Variants in MSRB3 observed in about 807,000 individuals in gnomAD.
MSRB3 encodes methionine sulfoxide reductase B3.
MSRB3 carries 13 observed loss-of-function variants against 21.0 expected under a neutral mutation model. The observed-to-expected ratio is 0.62, with a 90% CI of 0.40 to 0.98. The LOEUF (loss-of-function observed/expected upper bound fraction) is 0.98, where lower values mean the gene tolerates loss of function less well. Ranked by LOEUF, MSRB3 falls within the 50% of genes least tolerant of loss-of-function variation. The pLI is 0.00. For missense variants in MSRB3, 199 were observed against 230.3 expected (o/e 0.86, Z 0.88); for synonymous variants, 87 against 88.6 (o/e 0.98, Z 0.10).
rs189661929 is a variant in MSRB3 at position 65,292,477 on chromosome 12, C to G, written c.-52+13612C>G. Among the ~76,000 whole-genome samples the G allele has an allele frequency of 3.5e-3, 532 of 152,172 alleles. 1 individual carries two copies. Among genetic ancestry groups the G allele is most frequent in the Admixed American group, 8.1e-3 (124 of 15,300 alleles). On this transcript the variant is annotated intron_variant, in intron 1 of 6. Coordinates refer to ENST00000308259, the MANE Select transcript of MSRB3 (RefSeq NM_001031679.3). ...TCATCATCATCATTCTGGGACAACA[C>G]TTTCCTTGACCTCTCCTTTTTTTGG...
rs779389792 is a variant in MSRB3, at chr12:65,453,833, C to T, written c.390+8C>T. On this transcript the variant is annotated splice_region_variant and intron_variant, in intron 6 of 6. Coordinates refer to ENST00000308259, the MANE Select transcript of MSRB3 (RefSeq NM_001031679.3). ...GAAACAAGCTGCTCTCAGGTGAGTT[C>T]ATCCTTTCTGAAAACCCAATACATT... The T allele has an allele frequency of 1.2e-6, 2 of 1,611,130 alleles. No homozygotes were observed. Among genetic ancestry groups the T allele is most frequent in the South Asian group, 1.1e-5 (1 of 91,022 alleles).
intron 2 of MSRB3, chr12:65,308,967 T>G: frequency 2.5e-6 from 1 of 403,220 alleles, no homozygotes; most frequent in Non-Finnish European, 4.6e-6. Flanking sequence ...GCTGGCAGTC[T>G]GAGTAAGAAA....
At chr12:65,373,088 A>G (rs763907673) in intron 5 of MSRB3, among the ~76,000 whole-genome samples, 1 of 152,214 alleles carries the variant, frequency 6.6e-6, no homozygotes, top group Non-Finnish European at 1.5e-5. Context: ...GTAGGATGGA[A>G]GAAAAAGTGA....
At chr12:65,335,754 A>C (rs1350147667) in intron 4 of MSRB3, among the ~76,000 whole-genome samples, 2 of 152,152 alleles carry the variant, frequency 1.3e-5, no homozygotes, top group Non-Finnish European at 2.9e-5. Context: ...GTCACTGTGG[A>C]ATTCTGTTAT....
intron 5 of MSRB3, among the ~76,000 whole-genome samples, chr12:65,450,931 T>A (rs1882828552): frequency 6.6e-6 from 1 of 152,208 alleles, no homozygotes; most frequent in South Asian, 2.1e-4. Flanking sequence ...GGCAGTTTAT[T>A]ACTGGGGGAA....
intron 5 of MSRB3, among the ~76,000 whole-genome samples, chr12:65,382,256 G>A (rs955990353): frequency 2.6e-5 from 4 of 152,074 alleles, no homozygotes; most frequent in African/African-American, 4.8e-5. Flanking sequence ...AAACAACAAT[G>A]TAAAGATTCA....
At chr12:65,410,675 A>G (rs938575328) in intron 5 of MSRB3, among the ~76,000 whole-genome samples, 1 of 152,140 alleles carries the variant, frequency 6.6e-6, no homozygotes, top group Admixed American at 6.5e-5. Context: ...CAACTTGCTC[A>G]TTGTGTAATC....
intron 1 of MSRB3, among the ~76,000 whole-genome samples, chr12:65,291,197 T>C (rs2136395207): frequency 6.6e-6 from 1 of 152,154 alleles, no homozygotes; most frequent in South Asian, 2.1e-4. Flanking sequence ...GTGATTCTCC[T>C]ACCTCAGCCT....
intron 5 of MSRB3, among the ~76,000 whole-genome samples, chr12:65,375,183 G>A (rs1280931201): frequency 6.6e-6 from 1 of 152,056 alleles, no homozygotes; most frequent in African/African-American, 2.4e-5. Context: ...TCAAGTAGAG[G>A]GGACACGGCT....
At chr12:65,401,706 G>T (rs1461543840) in intron 5 of MSRB3, among the ~76,000 whole-genome samples, 1 of 151,768 alleles carries the variant, frequency 6.6e-6, no homozygotes, top group Non-Finnish European at 1.5e-5. Flanking sequence ...TCATAGCGTT[G>T]ATGGTCTTTA....
chr12:65,387,661 CT>C (rs1454370753), intron 5 of MSRB3, among the ~76,000 whole-genome samples: 1 of 152,120 alleles, frequency 6.6e-6, no homozygotes, highest in Non-Finnish European at 1.5e-5. Context: ...TATAAACTCT[CT>C]GAGCTTCAAT....
intron 5 of MSRB3, among the ~76,000 whole-genome samples, chr12:65,452,180 T>C (rs1419761131): frequency 2.0e-5 from 3 of 152,224 alleles, no homozygotes; most frequent in Non-Finnish European, 2.9e-5. Context: ...ACCTGTTTAC[T>C]ACTAAATCAA....
intron 3 of MSRB3, among the ~76,000 whole-genome samples, chr12:65,327,316 G>A (rs1201796609): frequency 6.6e-6 from 1 of 152,230 alleles, no homozygotes; most frequent in Non-Finnish European, 1.5e-5. Flanking sequence ...GCCATTGTAA[G>A]TATAGACGTT....
At chr12:65,416,723 A>G (rs1880997402) in intron 5 of MSRB3, among the ~76,000 whole-genome samples, 1 of 152,214 alleles carries the variant, frequency 6.6e-6, no homozygotes, top group Non-Finnish European at 1.5e-5. Context: ...TTTCAGATCC[A>G]TTATAATATT....
intron 5 of MSRB3, among the ~76,000 whole-genome samples, chr12:65,415,044 C>G (rs1880901520): frequency 6.6e-6 from 1 of 152,022 alleles, no homozygotes; most frequent in African/African-American, 2.4e-5. Context: ...AAGATAACCA[C>G]TGGGGAAAGG....
intron 5 of MSRB3, among the ~76,000 whole-genome samples, chr12:65,401,951 T>C (rs1880149978): frequency 6.6e-6 from 1 of 152,238 alleles, no homozygotes; most frequent in South Asian, 2.1e-4. Context: ...CACTCTCTTC[T>C]GGCTTGTAGA....
At chr12:65,313,238 G>T (rs754268221) in intron 2 of MSRB3, among the ~76,000 whole-genome samples, 8 of 152,046 alleles carry the variant, frequency 5.3e-5, no homozygotes, top group Non-Finnish European at 1.2e-4. Flanking sequence ...GTCTCCATTT[G>T]TAAAGAGGAA....
At chr12:65,335,966 A>G (rs951707798) in intron 4 of MSRB3, among the ~76,000 whole-genome samples, 34 of 152,212 alleles carry the variant, frequency 2.2e-4, no homozygotes, top group African/African-American at 4.8e-5. Context: ...GAAATAAACT[A>G]GAGTTCTGAG....
At chr12:65,419,132 A>G in intron 5 of MSRB3, 1 of 682,356 alleles carries the variant, frequency 1.5e-6, no homozygotes, top group South Asian at 1.6e-5. Flanking sequence ...TCATCTGTTG[A>G]GAGCATCATC....
Sources: gnomAD v4.1 joint callset for allele counts (sites outside exome capture counted in the v4.1 genomes callset) on GRCh38, gnomAD v4.1.1 for gene constraint, MANE v1.5 for transcripts, NCBI Gene and HGNC (gene_info 2026-07-23, HGNC 2026-07-21) for gene names.